SDCCAG8: variants seen among roughly 807,000 people sequenced by gnomAD.
The protein encoded by SDCCAG8 is SHH signaling and ciliogenesis regulator SDCCAG8, also known as serologically defined colon cancer antigen 8.
In SDCCAG8, 74 loss-of-function variants were observed where a neutral mutation model predicts 101.8. The observed-to-expected ratio is 0.73, with a 90% confidence interval of 0.60 to 0.88. SDCCAG8 has a LOEUF of 0.88. Ranked by LOEUF, SDCCAG8 falls within the 40% of genes least tolerant of loss-of-function variation. The probability of loss-of-function intolerance (pLI) is 0.00; values close to 1 mark genes in which losing one functional copy is unlikely to be tolerated. For missense variants in SDCCAG8, 787 were observed against 822.6 expected (o/e 0.96, Z 0.53); for synonymous variants, 281 against 292.9 (o/e 0.96, Z 0.41).
At chr1:243,268,038 C>T (rs1030233878) in intron 1 of SDCCAG8, 3 of 774,582 alleles carry the variant, frequency 3.9e-6, no homozygotes, top group Non-Finnish European at 7.2e-6. Flanking sequence ...TTTAATCTAT[C>T]CTTTTCTTTA....
chr1:243,415,810 G>A lies in SDCCAG8; in HGVS notation c.1725G>A (p.Glu575=), dbSNP rs10927011. The change falls in exon 14 of 18, where the codon GAG becomes GAA. Residue 575 remains glutamate (E), a synonymous_variant. Transcript: ENST00000366541. ...TGACACAGAAGATACAGCAAATGGAGGCCCAGCATGACAAAACTGGTAGGT... is the reference window on the plus strand; with the variant it reads ...TGACACAGAAGATACAGCAAATGGAAGCCCAGCATGACAAAACTGGTAGGT... ...QELTQKIQQM[E]AQHDKTENEQ... is the part of the protein sequence containing the mutation. 0.5 allele frequency: 798,617 copies of A among 1,612,870 alleles called. 205,353 individuals are homozygous for A. The highest frequency in any genetic ancestry group is 0.77 in the East Asian group (34,743 of 44,858).
At chr1:243,462,115 T>C (rs1659234423) in intron 16 of SDCCAG8, among the ~76,000 whole-genome samples, 1 of 152,172 alleles carries the variant, frequency 6.6e-6, no homozygotes, top group East Asian at 1.9e-4. Context: ...TGCATCAGTG[T>C]AGCACAGAGG....
chr1:243,431,499 G>A (rs1028116360), intron 16 of SDCCAG8, among the ~76,000 whole-genome samples: 3 of 152,136 alleles, frequency 2.0e-5, no homozygotes, highest in East Asian at 1.9e-4. Context: ...ATGAGATCAA[G>A]CGTTACGTTT....
chr1:243,368,452 C>T (rs1263657075), intron 12 of SDCCAG8, among the ~76,000 whole-genome samples: 1 of 152,112 alleles, frequency 6.6e-6, no homozygotes, highest in East Asian at 1.9e-4. Context: ...ATAGTATGTG[C>T]AGTAGAATAG....
intron 16 of SDCCAG8, among the ~76,000 whole-genome samples, chr1:243,441,979 T>TATTA (rs1447819104): frequency 6.6e-6 from 1 of 152,212 alleles, no homozygotes; most frequent in Non-Finnish European, 1.5e-5. Flanking sequence ...TGTGTGTCTA[T>TATTA]ATTAGTACTA....
chr1:243,436,894 T>A (rs1183198750), intron 16 of SDCCAG8, among the ~76,000 whole-genome samples: 1 of 152,186 alleles, frequency 6.6e-6, no homozygotes, highest in Non-Finnish European at 1.5e-5. Context: ...TGGAAAGGTC[T>A]TTTCGCAAAA....
chr1:243,477,067 T>C (rs1006576822), intron 16 of SDCCAG8, among the ~76,000 whole-genome samples: 2 of 151,930 alleles, frequency 1.3e-5, no homozygotes, highest in African/African-American at 2.4e-5. Flanking sequence ...ATCAATCAGA[T>C]GGGGCAAAAT....
At chr1:243,317,120 C>T (rs889392770) in intron 9 of SDCCAG8, among the ~76,000 whole-genome samples, 8 of 152,092 alleles carry the variant, frequency 5.3e-5, no homozygotes, top group African/African-American at 1.9e-4. Context: ...GAATGTAGTA[C>T]AGTATAATAC....
chr1:243,268,089 T>C (rs1049655510), intron 1 of SDCCAG8: 2 of 722,070 alleles, frequency 2.8e-6, no homozygotes, highest in Non-Finnish European at 5.0e-6. Flanking sequence ...TTCATGGTTG[T>C]ATAGTTCCTC....
At chr1:243,399,176 G>A (rs2053460073) in intron 13 of SDCCAG8, among the ~76,000 whole-genome samples, 1 of 152,216 alleles carries the variant, frequency 6.6e-6, no homozygotes, top group Admixed American at 6.5e-5. Context: ...GTGTGAGAAT[G>A]TTGAGAGAAG....
intron 16 of SDCCAG8, among the ~76,000 whole-genome samples, chr1:243,483,328 G>A (rs1053613209): frequency 6.6e-6 from 1 of 152,064 alleles, no homozygotes; most frequent in Non-Finnish European, 1.5e-5. Context: ...CTGCCTCGTC[G>A]CCTTTCTCGC....
chr1:243,472,939 T>G (rs180867567), intron 16 of SDCCAG8, among the ~76,000 whole-genome samples: 33 of 152,378 alleles, frequency 2.2e-4, no homozygotes, highest in Admixed American at 1.6e-3. Context: ...GATAAAGTAC[T>G]ATTTCTCCTG....
chr1:243,339,821 A>G (rs1242027670), intron 10 of SDCCAG8, among the ~76,000 whole-genome samples: 4 of 152,226 alleles, frequency 2.6e-5, no homozygotes, highest in Non-Finnish European at 2.9e-5. Context: ...ATTCACACCC[A>G]TGTCAGCATA....
rs1661861651 is a variant in SDCCAG8, at chr1:243,474,165, T to C, written c.1986-14849T>C. ...GGAATTAAAAGGTAAGAAAAGCAAA[T>C]GCAATCACGCAGCACCTTTCCCATC... is the stretch of plus-strand genomic sequence containing the variant. On this transcript the variant is annotated intron_variant, in intron 16 of 17. Coordinates refer to ENST00000366541, the MANE Select transcript of SDCCAG8 (RefSeq NM_006642.5). The surrounding 1 kb of genome is among the most constrained non-coding windows in gnomAD (Gnocchi z 4.7). 6.6e-6 allele frequency among the ~76,000 whole-genome samples: 1 copy of C among 152,098 alleles called. No individual in the cohort carries two copies. Among genetic ancestry groups the C allele is most frequent in the Non-Finnish European group, 1.5e-5 (1 of 68,010 alleles).
In SDCCAG8 at chr1:243,415,791, A is replaced by T; in HGVS notation, c.1706A>T (p.Gln569Leu). 6.2e-7 allele frequency: 1 copy of T among 1,613,762 alleles called. No homozygotes were observed. Among genetic ancestry groups the T allele is most frequent in the Non-Finnish European group, 8.5e-7 (1 of 1,179,764 alleles). ...CAGCAAAGAGAGCAGGAGCTGACAC[A>T]GAAGATACAGCAAATGGAGGCCCAG... ...QAQQREQELT[Q>L]KIQQMEAQHD... Residue 569 changes from glutamine (Q) to leucine (L), a missense_variant, in exon 14 of 18, where the codon CAG (glutamine) becomes CTG (leucine). Transcript: ENST00000366541.
intron 12 of SDCCAG8, among the ~76,000 whole-genome samples, chr1:243,364,442 G>A (rs1262702088): frequency 2.6e-5 from 4 of 152,090 alleles, no homozygotes; most frequent in Non-Finnish European, 5.9e-5. Flanking sequence ...TTAGGATTTG[G>A]GAACCAGAGC....
intron 13 of SDCCAG8, among the ~76,000 whole-genome samples, chr1:243,395,591 C>G (rs903133596): frequency 6.6e-6 from 1 of 152,096 alleles, no homozygotes; most frequent in Non-Finnish European, 1.5e-5. Flanking sequence ...TTATATGACA[C>G]TGGGTATTTT....
At chr1:243,443,536 A>G (rs937224277) in intron 16 of SDCCAG8, among the ~76,000 whole-genome samples, 8 of 152,314 alleles carry the variant, frequency 5.3e-5, no homozygotes, top group Middle Eastern at 3.4e-3. Flanking sequence ...CCCAGCAGGT[A>G]ACCTCGCAAG....
At chr1:243,453,365 C>T (rs916444486) in intron 16 of SDCCAG8, among the ~76,000 whole-genome samples, 4 of 152,178 alleles carry the variant, frequency 2.6e-5, no homozygotes, top group Non-Finnish European at 4.4e-5. Flanking sequence ...TCTCCTGACT[C>T]GGAGTACAGA....
Sources: gnomAD v4.1 joint callset for allele counts (sites outside exome capture counted in the v4.1 genomes callset) on GRCh38, gnomAD v4.1.1 for gene constraint, Gnocchi (gnomAD v3.1) non-coding constraint, MANE v1.5 for transcripts, NCBI Gene and HGNC (gene_info 2026-07-23, HGNC 2026-07-21) for gene names.